The following HMGB1 variants were observed in gnomAD, a reference collection of about 807,000 sequenced individuals.
HMGB1 encodes high mobility group box 1, also known as high mobility group protein B1.
For missense variants in HMGB1, 79 were observed against 253.5 expected (o/e 0.31, Z 4.67); for synonymous variants, 81 against 84.0 (o/e 0.96, Z 0.19).
At chr13:30,587,606 C>G (rs1871208174) in intron 1 of HMGB1, among the ~76,000 whole-genome samples, 1 of 152,222 alleles carries the variant, frequency 6.6e-6, no homozygotes, top group African/African-American at 2.4e-5. Flanking sequence ...TATCTACCAG[C>G]ATGTTCTTTG....
intron 1 of HMGB1, among the ~76,000 whole-genome samples, chr13:30,480,629 T>A (rs1887204448): frequency 6.6e-6 from 1 of 152,108 alleles, no homozygotes; most frequent in African/African-American, 2.4e-5. Context: ...CTGGTAGAAC[T>A]CAGAGAAGGA....
intron 1 of HMGB1, among the ~76,000 whole-genome samples, chr13:30,604,681 G>A (rs368693260): frequency 3.9e-5 from 6 of 152,150 alleles, no homozygotes; most frequent in South Asian, 2.1e-4. Context: ...TTTTTGAGAC[G>A]GAGTCTCGCT....
Position 30,616,083 on chromosome 13 carries a change from G to A in HMGB1, c.-15+588C>T, listed in dbSNP as rs1797380148. Among the ~76,000 whole-genome samples, 4 of 152,270 alleles carry A rather than the reference G, an allele frequency of 2.6e-5. No homozygotes were observed. The South Asian group carries it at 8.3e-4, about 32-fold the overall frequency. On this transcript the variant is annotated intron_variant, in intron 1 of 4. Coordinates refer to the HMGB1 transcript ENST00000405805. ...TATACAGTATTCTCAACTTGGGACC[G>A]TTACTCTATAATATAAACGAAAGGG...
intron 1 of HMGB1, among the ~76,000 whole-genome samples, chr13:30,588,836 G>A (rs980171989): frequency 6.6e-6 from 1 of 151,898 alleles, no homozygotes; most frequent in African/African-American, 2.4e-5. Context: ...AGACTCGCTT[G>A]AATCTGGGAG....
At chr13:30,608,173 T>TA (rs1950478780) in intron 1 of HMGB1, among the ~76,000 whole-genome samples, 1 of 152,148 alleles carries the variant, frequency 6.6e-6, no homozygotes, top group South Asian at 2.1e-4. Flanking sequence ...TGCAACCACA[T>TA]AAGAGGCTCC....
chr13:30,611,426 TGCTGGGATTACA>T (rs1950512174), intron 1 of HMGB1, among the ~76,000 whole-genome samples: 1 of 152,362 alleles, frequency 6.6e-6, no homozygotes, highest in African/African-American at 2.4e-5. Flanking sequence ...CCTTCCAAAG[TGCTGGGATTACA>T]GCTATTTTAA....
intron 1 of HMGB1, among the ~76,000 whole-genome samples, chr13:30,603,186 T>C (rs185051446): frequency 5.8e-4 from 88 of 152,292 alleles, no homozygotes; most frequent in African/African-American, 1.7e-3. Context: ...TCAGACTAAA[T>C]TTCAAGGCTT....
At chr13:30,573,963 A>G (rs1870542568) in intron 1 of HMGB1, among the ~76,000 whole-genome samples, 1 of 152,152 alleles carries the variant, frequency 6.6e-6, no homozygotes, top group Admixed American at 6.6e-5. Context: ...CTAATCTAGC[A>G]TTTTCTAAAA....
rs182608843 is a variant in HMGB1, at chr13:30,590,649, C to T, written c.-15+26022G>A. On this transcript the variant is annotated intron_variant, in intron 1 of 4. Transcript: ENST00000405805. ...AAATTCAAGGTTCCAATGATCTGAA[C>T]TTGTGTCCCCTCAAATTCGTATGTT... 8.5e-5 allele frequency among the ~76,000 whole-genome samples: 13 copies of T among 152,346 alleles called. No individual in the cohort carries two copies. In the East Asian group the frequency reaches 9.6e-4, roughly 11 times the overall value.
At chr13:30,590,895 T>C (rs1871339129) in intron 1 of HMGB1, among the ~76,000 whole-genome samples, 1 of 152,198 alleles carries the variant, frequency 6.6e-6, no homozygotes, top group South Asian at 2.1e-4. Flanking sequence ...CTTCTCAGCC[T>C]ACAGAACTGT....
chr13:30,541,172 T>C (rs1029422269), intron 1 of HMGB1, among the ~76,000 whole-genome samples: 8 of 152,198 alleles, frequency 5.3e-5, no homozygotes, highest in Non-Finnish European at 1.2e-4. Context: ...CATGCCCATG[T>C]TTCTGACCCA....
intron 1 of HMGB1, among the ~76,000 whole-genome samples, chr13:30,546,748 G>C (rs1452818699): frequency 2.6e-5 from 4 of 151,536 alleles, no homozygotes; most frequent in Non-Finnish European, 4.4e-5. Context: ...GCCTTTCAAA[G>C]TGCTGGGATT....
intron 1 of HMGB1, among the ~76,000 whole-genome samples, chr13:30,573,324 T>C (rs1870510895): frequency 2.6e-5 from 4 of 152,198 alleles, no homozygotes; most frequent in Non-Finnish European, 5.9e-5. Context: ...AAAATAAAAA[T>C]ACTGTCATAA....
chr13:30,554,133 C>A, intron 1 of HMGB1: 1 of 1,258,954 alleles, frequency 7.9e-7, no homozygotes, highest in Non-Finnish European at 1.2e-6. Context: ...TCATATTACA[C>A]AGTACATCTA....
intron 1 of HMGB1, among the ~76,000 whole-genome samples, chr13:30,591,176 G>A (rs1033743064): frequency 2.6e-5 from 4 of 151,684 alleles, no homozygotes; most frequent in Non-Finnish European, 5.9e-5. Flanking sequence ...GATTACAGGT[G>A]TGCACCATCA....
At chr13:30,493,872 G>C (rs1473709679) in intron 1 of HMGB1, among the ~76,000 whole-genome samples, 2 of 152,002 alleles carry the variant, frequency 1.3e-5, no homozygotes, top group Non-Finnish European at 2.9e-5. Context: ...CAGCTGCTCA[G>C]GAGGCTGAGG....
chr13:30,611,779 C>T (rs576119802), intron 1 of HMGB1, among the ~76,000 whole-genome samples: 18 of 151,442 alleles, frequency 1.2e-4, no homozygotes, highest in African/African-American at 4.4e-4. Flanking sequence ...AGCTTTTTGG[C>T]TCTGTGCATC....
At chr13:30,534,014 A>G (rs1049526367) in intron 1 of HMGB1, among the ~76,000 whole-genome samples, 3 of 151,892 alleles carry the variant, frequency 2.0e-5, no homozygotes, top group Admixed American at 6.6e-5. Context: ...ACAGGCATGC[A>G]CCACCACACC....
In HMGB1 at chr13:30,461,309, G is replaced by A. The variant is rs1054719059; in HGVS notation, c.*48C>T. On this transcript the variant is annotated 3_prime_UTR_variant, in exon 5 of 5. Transcript: ENST00000341423. ...AAAAGGAGTGAGTTGTGTACAGGGG[G>A]GTTAAATGCTTTATAGACAAGAAAA... The A allele has an allele frequency of 7.2e-6, 11 of 1,519,968 alleles. No individual in the cohort carries two copies. In the African/African-American group the frequency reaches 7.2e-5, roughly 10 times the overall value. 94.2% of individuals were successfully genotyped at this position (1,519,968 alleles called of 1,614,324 possible).
Sources: allele counts gnomAD v4.1 joint callset (sites outside exome capture counted in the v4.1 genomes callset), GRCh38; gene constraint gnomAD v4.1.1; transcripts MANE v1.5; gene names NCBI Gene and HGNC (gene_info 2026-07-23, HGNC 2026-07-21).